Variants in TAB2 observed in about 807,000 individuals in gnomAD.
TAB2 encodes TGF-beta activated kinase 1 (MAP3K7) binding protein 2.
In TAB2, 3 loss-of-function variants were observed where a neutral mutation model predicts 65.0. That is an observed-to-expected ratio of 0.05 (90% confidence interval 0.02 to 0.12). The LOEUF (loss-of-function observed/expected upper bound fraction) is 0.12, where lower values mean the gene tolerates loss of function less well. Ranked by LOEUF, TAB2 falls within the 10% of genes least tolerant of loss-of-function variation. The pLI is 1.00. For synonymous variants in TAB2, 298 were observed against 285.1 expected (o/e 1.05, Z -0.46); for missense variants, 623 against 840.3 (o/e 0.74, Z 3.20).
At chr6:149,284,948 T>A (rs1450835201) in intron 1 of TAB2, among the ~76,000 whole-genome samples, 1 of 152,148 alleles carries the variant, frequency 6.6e-6, no homozygotes, top group Admixed American at 6.5e-5. Context: ...GCCAGCAGCC[T>A]CGAGGATGAC....
intron 1 of TAB2, among the ~76,000 whole-genome samples, chr6:149,362,029 A>G (rs1256431204): frequency 2.0e-5 from 3 of 152,294 alleles, no homozygotes; most frequent in East Asian, 1.9e-4. Flanking sequence ...GATTATAACC[A>G]TTTAACCAGT....
chr6:149,328,673 A>G (rs564392384), intron 1 of TAB2, among the ~76,000 whole-genome samples: 1 of 152,312 alleles, frequency 6.6e-6, no homozygotes, highest in South Asian at 2.1e-4. Context: ...TGCTAGGTCA[A>G]AGGGGTGGAC....
chr6:149,372,556 A>T lies in TAB2; in HGVS notation c.102+2457A>T, dbSNP rs558543960. ...TTCCGTTTCCTTTGGGCATCTAGTA[A>T]TATCACCTTCCCTATGTTAATCTGG... is the stretch of plus-strand genomic sequence containing the variant. On this transcript the variant is annotated intron_variant, in intron 2 of 6. Coordinates refer to ENST00000637181, the MANE Select transcript of TAB2 (RefSeq NM_001292034.3). Among the ~76,000 whole-genome samples, 7 of 152,276 alleles carry T rather than the reference A, an allele frequency of 4.6e-5. No homozygotes were observed. In the South Asian group the frequency reaches 1.4e-3, roughly 32 times the overall value.
In TAB2 at chr6:149,409,848, A is replaced by C; in HGVS notation, c.*129A>C. On this transcript the variant is annotated 3_prime_UTR_variant, in exon 7 of 7. Coordinates refer to ENST00000637181, the MANE Select transcript of TAB2 (RefSeq NM_001292034.3). ...AGGTGTGACAAGATGGTGTTCTGCT[A>C]ATGTTAAATGTCAGCCCACAGAGCT... 2 of 1,032,616 alleles carry C rather than the reference A, an allele frequency of 1.9e-6. No homozygotes were observed. Among genetic ancestry groups the C allele is most frequent in the Non-Finnish European group, 3.0e-6 (2 of 672,148 alleles). 64.0% of individuals were successfully genotyped at this position (1,032,616 alleles called of 1,614,324 possible).
intron 1 of TAB2, among the ~76,000 whole-genome samples, chr6:149,286,725 A>C (rs1778682509): frequency 6.6e-6 from 1 of 152,220 alleles, no homozygotes; most frequent in Admixed American, 6.5e-5. Flanking sequence ...TATGATTTCA[A>C]TATACGTTGG....
intron 1 of TAB2, among the ~76,000 whole-genome samples, chr6:149,258,429 A>G (rs1778085978): frequency 1.5e-5 from 2 of 135,266 alleles, no homozygotes; most frequent in African/African-American, 2.9e-5. Context: ...ACACACACAC[A>G]CACACACACA....
At chr6:149,368,639 G>A (rs903818654) in intron 1 of TAB2, among the ~76,000 whole-genome samples, 2 of 136,452 alleles carry the variant, frequency 1.5e-5, no homozygotes, top group East Asian at 2.4e-4. Flanking sequence ...TTTTGAATGC[G>A]AAAATTTGTG....
chr6:149,249,169 C>T (rs866536134), intron 1 of TAB2, among the ~76,000 whole-genome samples: 35 of 51,974 alleles, frequency 6.7e-4, no homozygotes, highest in African/African-American at 2.2e-3. Flanking sequence ...CACACACACA[C>T]GCACACACAC....
intron 3 of TAB2, among the ~76,000 whole-genome samples, chr6:149,391,606 A>G (rs915659288): frequency 1.3e-5 from 2 of 152,036 alleles, no homozygotes; most frequent in African/African-American, 2.4e-5. Flanking sequence ...CAGTGGTGCT[A>G]TCTCAGCTGA....
intron 1 of TAB2, among the ~76,000 whole-genome samples, chr6:149,284,645 T>TACACACACACAC (rs59723819): frequency 3.5e-5 from 5 of 141,526 alleles, no homozygotes; most frequent in East Asian, 2.0e-4. Flanking sequence ...ATGATCTCTT[T>TACACACACACAC]ACACACACAC....
chr6:149,307,977 A>G (rs1779098717), intron 1 of TAB2, among the ~76,000 whole-genome samples: 1 of 152,162 alleles, frequency 6.6e-6, no homozygotes, highest in Non-Finnish European at 1.5e-5. Context: ...AGTATTTTTG[A>G]CAATGTCAAG....
chr6:149,390,403 G>A (rs1482226104), intron 3 of TAB2, among the ~76,000 whole-genome samples: 1 of 152,052 alleles, frequency 6.6e-6, no homozygotes, highest in African/African-American at 2.4e-5. Flanking sequence ...CAAGTCCCTA[G>A]TATATTTTCC....
chr6:149,268,800 T>C (rs1170476583), intron 1 of TAB2, among the ~76,000 whole-genome samples: 2 of 152,250 alleles, frequency 1.3e-5, no homozygotes, highest in Non-Finnish European at 2.9e-5. Context: ...ACACTAAACA[T>C]GTGAACATAT....
intron 1 of TAB2, among the ~76,000 whole-genome samples, chr6:149,299,841 AT>A (rs5880830): frequency 0.39 from 57,488 of 146,272 alleles, 11,965 homozygotes; most frequent in African/African-American, 0.58. Context: ...CAGTTCTACA[AT>A]TTTTTTTTTT....
intron 1 of TAB2, among the ~76,000 whole-genome samples, chr6:149,284,185 T>C (rs529961810): frequency 1.3e-5 from 2 of 152,310 alleles, no homozygotes; most frequent in African/African-American, 4.8e-5. Context: ...CACCACTCTC[T>C]GCATCACCAC....
chr6:149,363,940 C>G (rs1392394039), intron 1 of TAB2, among the ~76,000 whole-genome samples: 1 of 152,142 alleles, frequency 6.6e-6, no homozygotes, highest in African/African-American at 2.4e-5. Context: ...AATTCAGAGA[C>G]GAGACCACTA....
At chr6:149,326,919 C>T (rs556726834) in intron 1 of TAB2, among the ~76,000 whole-genome samples, 1 of 152,234 alleles carries the variant, frequency 6.6e-6, no homozygotes, top group African/African-American at 2.4e-5. Context: ...TTTAGAAAAC[C>T]TAACATTTTC....
Position 149,410,626 on chromosome 6 carries a change from AG to A in TAB2, c.*909del, listed in dbSNP as rs1450229856. On this transcript the variant is annotated 3_prime_UTR_variant, in exon 7 of 7. Coordinates refer to ENST00000637181, the MANE Select transcript of TAB2 (RefSeq NM_001292034.3). The stretch of plus-strand genomic sequence containing the variant: ...ATGAGTTCCAATGTTGTGTGAAGAC[AG>A]GCAGATGCTGCACAGTGAATTGCAG... 2 of 152,688 alleles carry A rather than the reference AG, an allele frequency of 1.3e-5. No individual in the cohort carries two copies. Among genetic ancestry groups the A allele is most frequent in the Admixed American group, 6.5e-5 (1 of 15,278 alleles). 9.5% of individuals were successfully genotyped at this position (152,688 alleles called of 1,614,324 possible).
At chr6:149,407,042 T>C (rs588028) in intron 6 of TAB2, among the ~76,000 whole-genome samples, 18,601 of 152,198 alleles carry the variant, frequency 0.12, 1,738 homozygotes, top group East Asian at 0.51. Context: ...TATAATTAGG[T>C]GTAGCTCTGT....
Sources: allele counts gnomAD v4.1 joint callset (sites outside exome capture counted in the v4.1 genomes callset), GRCh38; gene constraint gnomAD v4.1.1; transcripts MANE v1.5; gene names NCBI Gene and HGNC (gene_info 2026-07-23, HGNC 2026-07-21).